NEURL1B: variants seen among roughly 807,000 people sequenced by gnomAD.
NEURL1B encodes E3 ubiquitin-protein ligase NEURL1B.
NEURL1B carries 13 observed loss-of-function variants against 37.4 expected under a neutral mutation model. The ratio of observed to expected loss-of-function variants is 0.35; its 90% confidence interval spans 0.23 to 0.55. NEURL1B has a LOEUF of 0.55. Among genes scored for constraint, NEURL1B ranks in the 20% least tolerant of loss-of-function variants. The pLI, the probability that NEURL1B is intolerant of heterozygous loss-of-function variation, is 0.89. For missense variants in NEURL1B, 790 were observed against 879.2 expected (o/e 0.90, Z 1.28); for synonymous variants, 432 against 426.6 (o/e 1.01, Z -0.16).
chr5:172,678,640 G>T (rs1482544997), intron 2 of NEURL1B, among the ~76,000 whole-genome samples: 1 of 151,398 alleles, frequency 6.6e-6, no homozygotes, highest in Admixed American at 6.6e-5. Flanking sequence ...CCACCCCCTT[G>T]GTTGGCCATT....
At position 172,683,475 on chromosome 5, in the gene NEURL1B, GC is replaced by G; in HGVS notation, c.636del (p.Cys213AlafsTer78). On this transcript the variant is annotated frameshift_variant, in exon 3 of 5. Coordinates refer to ENST00000369800, the MANE Select transcript of NEURL1B (RefSeq NM_001142651.3). LOFTEE classifies it high-confidence loss of function. This position sits in a 1 kb window ranked among gnomAD's most constrained non-coding sequence, Gnocchi z 5.6. ...PARLSQARFS[A>X]CLPPSSHDAA... ...GCGCCTCAGCCAGGCCCGCTTCAGC[GC>G]CTGCCTGCCGCCCAGCAGCCACGAC... 1 of 1,488,340 alleles carries G rather than the reference GC, an allele frequency of 6.7e-7. No homozygotes were observed. The highest frequency in any genetic ancestry group is 8.9e-7 in the Non-Finnish European group (1 of 1,122,922). The allele number at this position is 1,488,340 out of a possible 1,614,324, so 92.2% of individuals were successfully genotyped here. A position where few individuals can be genotyped will look rare whatever the true frequency, so the allele number is the denominator to read the frequency against.
chr5:172,684,002 G>T lies in NEURL1B; in HGVS notation c.1161G>T (p.Thr387=). Residue 387 remains threonine (T), a synonymous_variant, in exon 3 of 5, where the codon ACG becomes ACT. Coordinates refer to ENST00000369800, the MANE Select transcript of NEURL1B (RefSeq NM_001142651.3). ...GCGGCGGCGACGCGCTCAGCTTCACGCTGCGGCCCGGCGGCGACGTGCTCC... is the reference window on the plus strand; with the variant it reads ...GCGGCGGCGACGCGCTCAGCTTCACTCTGCGGCCCGGCGGCGACGTGCTCC... The part of the protein sequence containing the change: ...VPSGGDALSF[T]LRPGGDVLLG... 7.5e-7 allele frequency: 1 copy of T among 1,330,382 alleles called. No homozygotes were observed. Among genetic ancestry groups the T allele is most frequent in the Non-Finnish European group, 9.6e-7 (1 of 1,038,192 alleles). The allele number at this position is 1,330,382 out of a possible 1,614,324, so 82.4% of individuals were successfully genotyped here.
In NEURL1B at chr5:172,687,250, T is replaced by G; in HGVS notation, c.*325T>G. On this transcript the variant is annotated 3_prime_UTR_variant, in exon 5 of 5. Coordinates refer to ENST00000369800, the MANE Select transcript of NEURL1B (RefSeq NM_001142651.3). ...TGCTTCTTGCTGGGGTTGGGTTGAG[T>G]GTGAGAGAAGGGGAGGGGAGGGAGG... The G allele has an allele frequency of 2.0e-5, 4 of 200,362 alleles. No individual in the cohort carries two copies. The highest frequency in any genetic ancestry group is 2.6e-5 in the African/African-American group (1 of 38,510). 12.4% of individuals were successfully genotyped at this position (200,362 alleles called of 1,614,324 possible).
rs549991601 is a variant in NEURL1B, at chr5:172,690,825, C to G, written c.*3900C>G. ...CCCAGAGGCCCCGCCGGTTGGTGATCACCCTCAGGTCCTGCCAGGGAGACA... is the reference window on the plus strand; with the variant it reads ...CCCAGAGGCCCCGCCGGTTGGTGATGACCCTCAGGTCCTGCCAGGGAGACA... On this transcript the variant is annotated 3_prime_UTR_variant, in exon 5 of 5. Coordinates refer to ENST00000369800, the MANE Select transcript of NEURL1B (RefSeq NM_001142651.3). The G allele has an allele frequency of 4.3e-4, 65 of 152,384 alleles. No individual in the cohort carries two copies. Among genetic ancestry groups the G allele is most frequent in the African/African-American group, 1.4e-3 (58 of 41,560 alleles). 9.4% of individuals were successfully genotyped at this position (152,384 alleles called of 1,614,324 possible).
chr5:172,669,749 A>T, intron 1 of NEURL1B, 36 bp from the exon 2 acceptor site: 1 of 1,232,330 alleles, frequency 8.1e-7, no homozygotes, highest in Non-Finnish European at 1.0e-6. Context: ...AGGAGTTCGG[A>T]GGAGGCCTAA....
intron 1 of NEURL1B, among the ~76,000 whole-genome samples, chr5:172,649,900 T>A (rs1757629361): frequency 6.6e-6 from 1 of 152,016 alleles, no homozygotes; most frequent in Non-Finnish European, 1.5e-5. Flanking sequence ...CATCCCTTCT[T>A]CTCCTTTCAT....
Position 172,647,217 on chromosome 5 carries a change from A to G in NEURL1B, c.31+5780A>G, listed in dbSNP as rs182070673. ...GGCTTAAAATAGAAGCCCAGAGGCCAGGTGTGTGGTTAGAGCTTAGAGCAG... is the reference window on the plus strand; with the variant it reads ...GGCTTAAAATAGAAGCCCAGAGGCCGGGTGTGTGGTTAGAGCTTAGAGCAG... On this transcript the variant is annotated intron_variant, in intron 1 of 4. Coordinates refer to ENST00000369800, the MANE Select transcript of NEURL1B (RefSeq NM_001142651.3). The surrounding 1 kb of genome is among the most constrained non-coding windows in gnomAD (Gnocchi z 4.2). Among the ~76,000 whole-genome samples, 1 of 152,262 alleles carries G rather than the reference A, an allele frequency of 6.6e-6. No individual in the cohort carries two copies. Among genetic ancestry groups the G allele is most frequent in the East Asian group, 1.9e-4 (1 of 5,174 alleles).
Position 172,665,921 on chromosome 5 carries a change from A to G in NEURL1B, c.32-3864A>G, listed in dbSNP as rs772226507. Among the ~76,000 whole-genome samples the G allele has an allele frequency of 2.0e-5, 3 of 152,176 alleles. No individual in the cohort carries two copies. The highest frequency in any genetic ancestry group is 4.4e-5 in the Non-Finnish European group (3 of 68,034). ...GTCTGCTTGACCTGGAGAGACTCAG[A>G]TCTCCACGAAGGCAGGATGTGTGTG... On this transcript the variant is annotated intron_variant, in intron 1 of 4. Transcript: ENST00000369800. This position sits in a 1 kb window ranked among gnomAD's most constrained non-coding sequence, Gnocchi z 4.1.
At chr5:172,645,285 C>T (rs1233604573) in intron 1 of NEURL1B, among the ~76,000 whole-genome samples, 1 of 152,196 alleles carries the variant, frequency 6.6e-6, no homozygotes, top group African/African-American at 2.4e-5. Flanking sequence ...CCTACGTGGA[C>T]AGTCTGTAAG....
Position 172,686,838 on chromosome 5 carries a change from CGGCCTGCGGCTCAAGCGACAGGCCCG to C in NEURL1B, c.1589_1614del (p.Arg530LeufsTer13). The C allele has an allele frequency of 6.4e-7, 1 of 1,551,200 alleles. No individual in the cohort carries two copies. Among genetic ancestry groups the C allele is most frequent in the Non-Finnish European group, 8.7e-7 (1 of 1,147,044 alleles). ...GACACATGTGCCTGTGCCACAGCTGCGGCCTGCGGCTCAAGCGACAGGCCCGGGCCTGCTGCCCCATCTGCCGGCGG... is the reference window on the plus strand; with the variant it reads ...GACACATGTGCCTGTGCCACAGCTGCGGCCTGCTGCCCCATCTGCCGGCGG... On this transcript the variant is annotated frameshift_variant, in exon 5 of 5. Transcript: ENST00000369800. LOFTEE classifies it high-confidence loss of function. This position sits in a 1 kb window ranked among gnomAD's most constrained non-coding sequence, Gnocchi z 7.9.
intron 1 of NEURL1B, among the ~76,000 whole-genome samples, chr5:172,668,613 G>A (rs1379809654): frequency 6.6e-6 from 1 of 152,220 alleles, no homozygotes; most frequent in Non-Finnish European, 1.5e-5. Context: ...GGTGTGGGAG[G>A]AGTGGTCTTT....
intron 2 of NEURL1B, among the ~76,000 whole-genome samples, chr5:172,680,999 C>A (rs751665782): frequency 2.0e-5 from 3 of 152,076 alleles, no homozygotes; most frequent in Admixed American, 6.5e-5. Context: ...GCTGGGGAAG[C>A]CTTAGGAAAC....
At position 172,670,180 on chromosome 5, in the gene NEURL1B, G is replaced by A. The variant is rs1758096067; in HGVS notation, c.427G>A (p.Val143Met). ...LPENLALRDT[V>M]LAYWADRHGR... ...CGAGAACCTGGCGCTGCGCGACACGGTGCTGGCCTACTGGGCCGACCGCCA... is the reference window on the plus strand; with the variant it reads ...CGAGAACCTGGCGCTGCGCGACACGATGCTGGCCTACTGGGCCGACCGCCA... Residue 143 changes from valine to methionine, a missense_variant, in exon 2 of 5, where the codon GTG becomes ATG. This residue lies in a region of NEURL1B where 215 missense variants were observed against 309.2 expected (regional missense o/e 0.70). Transcript: ENST00000369800. The A allele has an allele frequency of 6.7e-7, 1 of 1,482,464 alleles. No homozygotes were observed. Among genetic ancestry groups the A allele is most frequent in the Non-Finnish European group, 8.9e-7 (1 of 1,120,956 alleles). The allele number at this position is 1,482,464 out of a possible 1,614,324, so 91.8% of individuals were successfully genotyped here.
chr5:172,664,490 G>T (rs796542805), intron 1 of NEURL1B, among the ~76,000 whole-genome samples: 9 of 152,054 alleles, frequency 5.9e-5, no homozygotes, highest in East Asian at 3.9e-4. Flanking sequence ...GCAGCGGGTG[G>T]GGGGGACGGG....
At position 172,686,445 on chromosome 5, in the gene NEURL1B, G is replaced by A. The variant is rs1581442095; in HGVS notation, c.1423+149G>A. ...TCAGCTGTATGCTCAGCTGGAGGGAGGAGAAGTGTCTAGATAGGGCATTCC... is the reference window on the plus strand; with the variant it reads ...TCAGCTGTATGCTCAGCTGGAGGGAAGAGAAGTGTCTAGATAGGGCATTCC... On this transcript the variant is annotated intron_variant, in intron 4 of 4. Coordinates refer to ENST00000369800, the MANE Select transcript of NEURL1B (RefSeq NM_001142651.3). The surrounding 1 kb of genome is among the most constrained non-coding windows in gnomAD (Gnocchi z 7.9). 1 of 964,374 alleles carries A rather than the reference G, an allele frequency of 1.0e-6. No individual in the cohort carries two copies. The highest frequency in any genetic ancestry group is 1.7e-5 in the South Asian group (1 of 59,756). The allele number at this position is 964,374 out of a possible 1,614,324, so 59.7% of individuals were successfully genotyped here.
At chr5:172,650,493 G>C (rs757514256) in intron 1 of NEURL1B, among the ~76,000 whole-genome samples, 1 of 152,164 alleles carries the variant, frequency 6.6e-6, no homozygotes, top group Non-Finnish European at 1.5e-5. Context: ...TCTTTCGCTG[G>C]AATCTCAAGA....
At chr5:172,652,279 C>G (rs1019045786) in intron 1 of NEURL1B, among the ~76,000 whole-genome samples, 5 of 152,236 alleles carry the variant, frequency 3.3e-5, no homozygotes, top group African/African-American at 1.2e-4. Flanking sequence ...AAAGAGCTAC[C>G]ATGCAGGCCA....
At chr5:172,663,658 T>C (rs543130529) in intron 1 of NEURL1B, among the ~76,000 whole-genome samples, 1 of 151,690 alleles carries the variant, frequency 6.6e-6, no homozygotes, top group African/African-American at 2.4e-5. Flanking sequence ...CACTTCTTCT[T>C]AGAGTCCCTG....
intron 2 of NEURL1B, among the ~76,000 whole-genome samples, chr5:172,681,430 A>G (rs1185240844): frequency 2.0e-5 from 3 of 152,240 alleles, no homozygotes; most frequent in African/African-American, 7.2e-5. Context: ...TTTTTAAAGA[A>G]ACAAACTGAA....
Sources: allele counts gnomAD v4.1 joint callset (sites outside exome capture counted in the v4.1 genomes callset), GRCh38; gene constraint gnomAD v4.1.1; regional missense constraint gnomAD v4.1.1; non-coding constraint Gnocchi (gnomAD v3.1); transcripts MANE v1.5; gene names NCBI Gene and HGNC (gene_info 2026-07-23, HGNC 2026-07-21).